SFMBT2: variants seen among roughly 807,000 people sequenced by gnomAD.
SFMBT2 encodes the protein scm-like with four MBT domains protein 2.
Under a neutral mutation model 110.1 loss-of-function variants are expected in SFMBT2, and 38 were observed. The ratio of observed to expected loss-of-function variants is 0.35; its 90% CI spans 0.27 to 0.45. SFMBT2 has a LOEUF of 0.45. Among genes scored for constraint, SFMBT2 ranks in the 20% least tolerant of loss-of-function variants. The pLI is 1.00. For synonymous variants in SFMBT2, 425 were observed against 425.4 expected, an observed-to-expected ratio of 1.00 and a Z score of 0.01; for missense variants, 1,011 against 1,094.9, an observed-to-expected ratio of 0.92 and a Z score of 1.08.
intron 4 of SFMBT2, among the ~76,000 whole-genome samples, chr10:7,366,662 T>C (rs1276433520): frequency 2.0e-5 from 3 of 151,888 alleles, no homozygotes; most frequent in Non-Finnish European, 4.4e-5. Context: ...ACATAGAGAG[T>C]GGGGTGTAGA....
At chr10:7,185,845 C>T (rs1188434001) in intron 16 of SFMBT2, among the ~76,000 whole-genome samples, 1 of 151,918 alleles carries the variant, frequency 6.6e-6, no homozygotes, top group Admixed American at 6.5e-5. Flanking sequence ...TTCCTTACCC[C>T]TCTAAGATAT....
chr10:7,217,471 C>T (rs1301413850), intron 11 of SFMBT2, among the ~76,000 whole-genome samples: 2 of 152,062 alleles, frequency 1.3e-5, no homozygotes, highest in Non-Finnish European at 2.9e-5. Context: ...ATTTGAAGTG[C>T]ATGTAAGTGG....
intron 12 of SFMBT2, chr10:7,203,516 T>C (rs1839025666): frequency 4.7e-6 from 1 of 210,532 alleles, no homozygotes; most frequent in Non-Finnish European, 8.2e-6. Flanking sequence ...CCTTAACCTG[T>C]ATATGATTGT....
At chr10:7,262,142 A>C (rs1471209427) in intron 7 of SFMBT2, among the ~76,000 whole-genome samples, 1 of 144,328 alleles carries the variant, frequency 6.9e-6, no homozygotes, top group African/African-American at 2.4e-5. Flanking sequence ...TCTTTACATC[A>C]GGTTTCTCCC....
intron 4 of SFMBT2, among the ~76,000 whole-genome samples, chr10:7,342,462 G>A (rs924458258): frequency 7.7e-6 from 1 of 130,134 alleles, no homozygotes; most frequent in African/African-American, 2.9e-5. Flanking sequence ...AGGCTGGAGT[G>A]CAGTGGTGCA....
intron 6 of SFMBT2, among the ~76,000 whole-genome samples, chr10:7,280,924 T>C (rs2131834769): frequency 6.6e-6 from 1 of 152,308 alleles, no homozygotes; most frequent in African/African-American, 2.4e-5. Flanking sequence ...GCTGAACAGT[T>C]GAGAAATACT....
intron 4 of SFMBT2, among the ~76,000 whole-genome samples, chr10:7,309,931 T>C (rs1338368985): frequency 6.6e-6 from 1 of 152,136 alleles, no homozygotes; most frequent in East Asian, 1.9e-4. Context: ...CAGGGTTTTT[T>C]AATAGTATCA....
intron 4 of SFMBT2, among the ~76,000 whole-genome samples, chr10:7,346,466 C>T (rs1461315648): frequency 2.6e-5 from 4 of 152,090 alleles, no homozygotes; most frequent in Non-Finnish European, 5.9e-5. Flanking sequence ...CAGGTAACAT[C>T]CATCTCTTTA....
chr10:7,283,746 A>G (rs762878811), intron 6 of SFMBT2, among the ~76,000 whole-genome samples, 158 bp downstream of exon 6: 1 of 152,230 alleles, frequency 6.6e-6, no homozygotes, highest in Non-Finnish European at 1.5e-5. Flanking sequence ...CTTAGGTTTT[A>G]GTCTCTATGG....
At position 7,176,158 on chromosome 10, in the gene SFMBT2, C is replaced by T. The variant is rs1196364019; in HGVS notation, c.1816G>A (p.Gly606Ser). 24 of 1,614,038 alleles carry T rather than the reference C, an allele frequency of 1.5e-5. No homozygotes were observed. The highest frequency in any genetic ancestry group is 2.0e-5 in the Non-Finnish European group (24 of 1,180,030). ...TTGACCACAGCCCTGTATGTTTTGC[C>T]TCTGTATCTAGAAAATAGGTGGGGA... ...QEETLKAKYR[G>S]KTYRAVVKIV... The change falls in exon 17 of 21, where the codon GGC (glycine) becomes AGC (serine). Residue 606 changes from glycine (G) to serine (S), a missense_variant. Around this residue, in one of 2 missense-constraint regions of SFMBT2, gnomAD observed 979 missense variants for 1,016.1 expected, o/e 0.96. Transcript: ENST00000397167.
At chr10:7,243,406 A>G in intron 9 of SFMBT2, 152 bp downstream of exon 9, 1 of 628,150 alleles carries the variant, frequency 1.6e-6, no homozygotes, top group Non-Finnish European at 2.8e-6. Flanking sequence ...TGTAACTGAC[A>G]CCTATGTCAA....
At chr10:7,381,594 C>T (rs1205192616) in intron 2 of SFMBT2, among the ~76,000 whole-genome samples, 1 of 152,176 alleles carries the variant, frequency 6.6e-6, no homozygotes, top group East Asian at 1.9e-4. Flanking sequence ...TGCACTATAA[C>T]CTAGTCCTCT....
chr10:7,367,751 C>T lies in SFMBT2; in HGVS notation c.334G>A (p.Gly112Arg), dbSNP rs1291696446. The T allele has an allele frequency of 2.5e-6, 4 of 1,614,002 alleles. No individual in the cohort carries two copies. The highest frequency in any genetic ancestry group is 2.2e-5 in the East Asian group (1 of 44,896). The change falls in exon 4 of 21, where the codon GGG (glycine) becomes AGG (arginine). Residue 112 changes from glycine (G) to arginine (R), a missense_variant. Transcript: ENST00000397167. The surrounding 1 kb of genome is among the most constrained non-coding windows in gnomAD (Gnocchi z 6.2). ...CAGAAGTCGGCCCTGCGGTCCTCCCCGTAACCGCAGTAGCGCAGAAGCAGC... is the reference window on the plus strand; with the variant it reads ...CAGAAGTCGGCCCTGCGGTCCTCCCTGTAACCGCAGTAGCGCAGAAGCAGC... The part of the protein sequence containing the change: ...QLLLLRYCGY[G>R]EDRRADFWCD...
intron 4 of SFMBT2, among the ~76,000 whole-genome samples, chr10:7,349,017 G>T (rs532740694): frequency 1.3e-5 from 2 of 152,114 alleles, no homozygotes; most frequent in Non-Finnish European, 2.9e-5. Flanking sequence ...CCAGGTCAAG[G>T]ATGGTCACCC....
In SFMBT2 at chr10:7,243,599, T is replaced by G; in HGVS notation, c.1079A>C (p.Gln360Pro). ...HADSLGILPV[Q>P]WCLKNGVSLT... ...GCTGACTCCATTTTTAAGGCACCAC[T>G]GTACTGGCAAAATCCCCAAAGAATC... The change falls in exon 9 of 21, where the codon CAG becomes CCG. Residue 360 changes from glutamine (Q) to proline (P), a missense_variant. Gln to Pro is a moderately conservative substitution (Grantham distance 76, BLOSUM62 -1). This residue lies in a region of SFMBT2 where 979 missense variants were observed against 1,016.1 expected (regional missense o/e 0.96). Coordinates refer to ENST00000397167, the MANE Select transcript of SFMBT2 (RefSeq NM_001387889.1). The G allele has an allele frequency of 1.1e-6, 1 of 872,936 alleles. No individual in the cohort carries two copies. Among genetic ancestry groups the G allele is most frequent in the East Asian group, 2.4e-5 (1 of 41,704 alleles). The allele number at this position is 872,936 out of a possible 1,614,324, so 54.1% of individuals were successfully genotyped here.
intron 9 of SFMBT2, chr10:7,228,221 A>G (rs1839956170): frequency 4.3e-6 from 1 of 231,292 alleles, no homozygotes; most frequent in South Asian, 1.6e-4. Flanking sequence ...ATAAGGGGGA[A>G]GAGCTGAGCC....
chr10:7,291,211 A>C (rs1407080282), intron 4 of SFMBT2, among the ~76,000 whole-genome samples: 2 of 152,166 alleles, frequency 1.3e-5, no homozygotes, highest in African/African-American at 4.8e-5. Context: ...AGATGGGGAG[A>C]GTAATTACAA....
At chr10:7,364,947 C>T (rs1844845096) in intron 4 of SFMBT2, among the ~76,000 whole-genome samples, 1 of 152,250 alleles carries the variant, frequency 6.6e-6, no homozygotes, top group Admixed American at 6.5e-5. Context: ...GGCTGATTTA[C>T]TTCACGACGG....
At chr10:7,241,404 T>C (rs1156538499) in intron 9 of SFMBT2, 1 of 857,520 alleles carries the variant, frequency 1.2e-6, no homozygotes, top group Non-Finnish European at 1.4e-6. Flanking sequence ...TTCTACTTGA[T>C]GTGTAGTATG....
Sources: gnomAD v4.1 joint callset for allele counts (sites outside exome capture counted in the v4.1 genomes callset) on GRCh38, gnomAD v4.1.1 for gene constraint, gnomAD v4.1.1 regional missense constraint, Gnocchi (gnomAD v3.1) non-coding constraint, MANE v1.5 for transcripts, NCBI Gene and HGNC (gene_info 2026-07-23, HGNC 2026-07-21) for gene names.